EYS: variants seen among roughly 807,000 people sequenced by gnomAD.
EYS encodes the protein protein eyes shut homolog.
In EYS, 250 loss-of-function variants were observed where a neutral mutation model predicts 282.1. The ratio of observed to expected loss-of-function variants is 0.89; its 90% CI spans 0.80 to 0.98. EYS has a LOEUF of 0.98. Among genes scored for constraint, EYS ranks in the 50% least tolerant of loss-of-function variants. The pLI, the probability that EYS is intolerant of heterozygous loss-of-function variation, is 0.00. For synonymous variants in EYS, 1,355 were observed against 1,282.9 expected (o/e 1.06, Z -1.20); for missense variants, 4,016 against 3,709.0 (o/e 1.08, Z -2.15).
chr6:65,127,756 A>AT (rs1775761671), intron 12 of EYS, among the ~76,000 whole-genome samples: 1 of 151,956 alleles, frequency 6.6e-6, no homozygotes, highest in Non-Finnish European at 1.5e-5. Flanking sequence ...CCATTTCTTC[A>AT]TTTTCTTAGG....
In EYS at chr6:64,873,923, A is replaced by C. The variant is rs180958606; in HGVS notation, c.2992+12774T>G. Reference sequence around the variant, plus strand: ...TAGAAATATTAGGGCCAAGATTTCAAATTGCAAATGTCTTCAAAGCTCTTT... The same window carrying C: ...TAGAAATATTAGGGCCAAGATTTCACATTGCAAATGTCTTCAAAGCTCTTT... On this transcript the variant is annotated intron_variant, in intron 19 of 42. Transcript: ENST00000503581. Among the ~76,000 whole-genome samples, 972 of 152,198 alleles carry C rather than the reference A, an allele frequency of 6.4e-3. 12 individuals are homozygous for C. The highest frequency in any genetic ancestry group is 0.021 in the African/African-American group (879 of 41,548).
chr6:64,027,938 C>T (rs570914239), intron 33 of EYS, among the ~76,000 whole-genome samples: 3 of 152,338 alleles, frequency 2.0e-5, no homozygotes, highest in African/African-American at 7.2e-5. Context: ...CATTGTTAAT[C>T]TCCTGTCCTG....
intron 12 of EYS, among the ~76,000 whole-genome samples, chr6:65,260,142 A>T (rs143752370): frequency 5.3e-4 from 80 of 152,158 alleles, no homozygotes; most frequent in African/African-American, 1.7e-3. Context: ...AGCCAAAAGG[A>T]GACGTGCCTA....
At chr6:64,600,826 T>C (rs1417726221) in intron 24 of EYS, among the ~76,000 whole-genome samples, 2 of 152,110 alleles carry the variant, frequency 1.3e-5, no homozygotes, top group African/African-American at 4.8e-5. Flanking sequence ...TACATACATA[T>C]TTCTTTTTCC....
At chr6:64,312,133 G>C (rs964550548) in intron 29 of EYS, among the ~76,000 whole-genome samples, 1 of 152,134 alleles carries the variant, frequency 6.6e-6, no homozygotes, top group African/African-American at 2.4e-5. Flanking sequence ...CCAGTGGCCT[G>C]AAATTCTTGC....
chr6:63,777,952 C>A, intron 40 of EYS, 54 bp downstream of exon 40: 3 of 1,438,274 alleles, frequency 2.1e-6, no homozygotes, highest in South Asian at 1.2e-5. Flanking sequence ...GAGTGGAGTA[C>A]CAGTTAGAGT....
At chr6:65,386,362 T>C (rs1409634283) in intron 7 of EYS, among the ~76,000 whole-genome samples, 1 of 151,712 alleles carries the variant, frequency 6.6e-6, no homozygotes, top group African/African-American at 2.4e-5. Flanking sequence ...ATGACCCAAG[T>C]TTACCTATGT....
At chr6:64,303,645 A>T (rs1312381662) in intron 30 of EYS, among the ~76,000 whole-genome samples, 1 of 151,810 alleles carries the variant, frequency 6.6e-6, no homozygotes, top group Non-Finnish European at 1.5e-5. Flanking sequence ...GATCGAGACC[A>T]TCCTGGCTAA....
At chr6:64,125,147 A>ACT (rs747610398) in intron 31 of EYS, among the ~76,000 whole-genome samples, 504 of 147,230 alleles carry the variant, frequency 3.4e-3, no homozygotes, top group Non-Finnish European at 5.6e-3. Flanking sequence ...ACACACACAC[A>ACT]CTCTCTGTCT....
chr6:65,155,526 T>C (rs1764711717), intron 12 of EYS, among the ~76,000 whole-genome samples: 1 of 151,536 alleles, frequency 6.6e-6, no homozygotes, highest in African/African-American at 2.4e-5. Flanking sequence ...AAATGAGTCT[T>C]GGAAACGTTT....
intron 22 of EYS, among the ~76,000 whole-genome samples, chr6:64,635,594 G>T (rs1019652180): frequency 6.6e-6 from 1 of 152,162 alleles, no homozygotes; most frequent in East Asian, 1.9e-4. Flanking sequence ...TGTGGTATTT[G>T]TCTTTGGTTC....
chr6:64,294,106 A>T (rs985338528), intron 30 of EYS, among the ~76,000 whole-genome samples: 1 of 152,226 alleles, frequency 6.6e-6, no homozygotes, highest in Non-Finnish European at 1.5e-5. Context: ...AGTTTGTCAT[A>T]TACACAGATA....
intron 37 of EYS, among the ~76,000 whole-genome samples, chr6:63,801,091 C>T (rs1414560216): frequency 6.6e-6 from 1 of 152,032 alleles, no homozygotes. Flanking sequence ...AGGTGGTATG[C>T]TATGATGAAA....
At chr6:64,807,973 T>C (rs943811220) in intron 22 of EYS, among the ~76,000 whole-genome samples, 1 of 144,782 alleles carries the variant, frequency 6.9e-6, no homozygotes, top group Non-Finnish European at 1.5e-5. Flanking sequence ...TTCCTTCCCT[T>C]CCTTCTCCCT....
At chr6:65,361,844 A>G (rs1279248685) in intron 8 of EYS, among the ~76,000 whole-genome samples, 1 of 152,152 alleles carries the variant, frequency 6.6e-6, no homozygotes, top group Non-Finnish European at 1.5e-5. Flanking sequence ...AATAACACAG[A>G]TAACACAAAG....
intron 22 of EYS, among the ~76,000 whole-genome samples, chr6:64,764,859 C>T (rs753695314): frequency 6.6e-6 from 1 of 152,154 alleles, no homozygotes; most frequent in Non-Finnish European, 1.5e-5. Context: ...CTGCCTCAGC[C>T]TCCCAAGTAG....
At chr6:64,498,026 A>G (rs1464453856) in intron 26 of EYS, among the ~76,000 whole-genome samples, 1 of 152,182 alleles carries the variant, frequency 6.6e-6, no homozygotes, top group Non-Finnish European at 1.5e-5. Context: ...GTTAGAGTTA[A>G]TGATAAAGTA....
intron 11 of EYS, 100 bp from the exon 12 acceptor site, chr6:65,296,219 T>C: frequency 8.2e-7 from 1 of 1,214,776 alleles, no homozygotes; most frequent in Non-Finnish European, 1.1e-6. Flanking sequence ...CAGAAATAAA[T>C]ATTTAATGAA....
chr6:65,409,545 T>C (rs1037222711), intron 5 of EYS, among the ~76,000 whole-genome samples: 3 of 152,150 alleles, frequency 2.0e-5, no homozygotes, highest in Non-Finnish European at 2.9e-5. Flanking sequence ...AATTGATACA[T>C]GTTAGAAAAA....
Sources: allele counts gnomAD v4.1 joint callset (sites outside exome capture counted in the v4.1 genomes callset), GRCh38; gene constraint gnomAD v4.1.1; transcripts MANE v1.5; gene names NCBI Gene and HGNC (gene_info 2026-07-23, HGNC 2026-07-21).